Variants in MYO3B observed in about 807,000 individuals in gnomAD.
The protein encoded by MYO3B is myosin-IIIb.
In MYO3B, 156 loss-of-function variants were observed where a neutral mutation model predicts 174.6. That is an observed-to-expected ratio of 0.89 (90% CI 0.78 to 1.02). MYO3B has a LOEUF of 1.02. Among genes scored for constraint, MYO3B ranks in the 50% least tolerant of loss-of-function variants. The pLI, the probability that MYO3B is intolerant of heterozygous loss-of-function variation, is 0.00. For missense variants in MYO3B, 1,632 were observed against 1,639.4 expected, an observed-to-expected ratio of 1.00 and a Z score of 0.08; for synonymous variants, 563 against 569.1, an observed-to-expected ratio of 0.99 and a Z score of 0.15.
chr2:170,558,729 G>A lies in MYO3B; in HGVS notation c.3733+14741G>A, dbSNP rs185377611. Among the ~76,000 whole-genome samples the A allele has an allele frequency of 3.2e-3, 481 of 152,338 alleles. 1 individual carries two copies. Among genetic ancestry groups the A allele is most frequent in the Non-Finnish European group, 5.1e-3 (346 of 68,026 alleles). ...TAGTTTGGAACCCTTACAAAGAAGAGATGTTCATGGATGATGGTCCCATAC... is the reference window on the plus strand; with the variant it reads ...TAGTTTGGAACCCTTACAAAGAAGAAATGTTCATGGATGATGGTCCCATAC... On this transcript the variant is annotated intron_variant, in intron 32 of 34. Transcript: ENST00000408978.
At chr2:170,493,720 T>C (rs1465750532) in intron 25 of MYO3B, among the ~76,000 whole-genome samples, 2 of 152,224 alleles carry the variant, frequency 1.3e-5, no homozygotes, top group African/African-American at 2.4e-5. Context: ...CAAATTCTTC[T>C]CTTTCTCTCC....
In MYO3B at chr2:170,584,378, C is replaced by T. The variant is rs549519583; in HGVS notation, c.3733+40390C>T. Among the ~76,000 whole-genome samples the T allele has an allele frequency of 1.1e-4, 16 of 152,182 alleles. No individual in the cohort carries two copies. In the South Asian group the frequency reaches 3.1e-3, roughly 30 times the overall value. On this transcript the variant is annotated intron_variant, in intron 32 of 34. Transcript: ENST00000408978. ...ACCATTTTTATAAAGTATTTATTTA[C>T]CAATTAGTCCACACTATCAACTGGT...
intron 29 of MYO3B, among the ~76,000 whole-genome samples, chr2:170,516,348 A>G (rs1340598750): frequency 6.6e-6 from 1 of 151,952 alleles, no homozygotes; most frequent in African/African-American, 2.4e-5. Flanking sequence ...TTACTTCAAA[A>G]TAGTCTGATA....
chr2:170,179,844 G>A (rs1207616486), intron 1 of MYO3B, among the ~76,000 whole-genome samples: 3 of 152,108 alleles, frequency 2.0e-5, no homozygotes, highest in Non-Finnish European at 4.4e-5. Flanking sequence ...CGCTTGTATG[G>A]TATGTGTTTC....
intron 8 of MYO3B, among the ~76,000 whole-genome samples, chr2:170,360,624 T>C (rs566428510): frequency 6.6e-5 from 10 of 152,358 alleles, no homozygotes; most frequent in Non-Finnish European, 4.4e-5. Flanking sequence ...GTGGTTTGAA[T>C]GTGTCTCCTC....
intron 23 of MYO3B, among the ~76,000 whole-genome samples, chr2:170,448,955 CT>C (rs1421431632): frequency 1.3e-5 from 2 of 152,146 alleles, no homozygotes; most frequent in Admixed American, 1.3e-4. Context: ...CATATAGGAT[CT>C]TTTAAAATTG....
At chr2:170,589,210 A>G (rs1211936942) in intron 32 of MYO3B, among the ~76,000 whole-genome samples, 1 of 152,228 alleles carries the variant, frequency 6.6e-6, no homozygotes, top group African/African-American at 2.4e-5. Flanking sequence ...ATGGACCCCA[A>G]CACTGAAAGG....
intron 3 of MYO3B, among the ~76,000 whole-genome samples, chr2:170,202,169 CT>C (rs2092669103): frequency 6.6e-6 from 1 of 152,184 alleles, no homozygotes; most frequent in African/African-American, 2.4e-5. Context: ...TGAGCTGAGC[CT>C]TGCGCAGGTG....
At chr2:170,254,642 T>C (rs866966676) in intron 7 of MYO3B, among the ~76,000 whole-genome samples, 1 of 152,108 alleles carries the variant, frequency 6.6e-6, no homozygotes, top group South Asian at 2.1e-4. Context: ...ACAGGCCTTG[T>C]CCCAACTTCC....
intron 20 of MYO3B, 37 bp downstream of exon 20, chr2:170,404,437 A>G: frequency 1.3e-6 from 2 of 1,563,348 alleles, no homozygotes; most frequent in Non-Finnish European, 1.7e-6. Flanking sequence ...ATACATTTAG[A>G]ACAAAACTTG....
intron 32 of MYO3B, among the ~76,000 whole-genome samples, chr2:170,631,211 T>C (rs1696944919): frequency 6.6e-6 from 1 of 152,160 alleles, no homozygotes; most frequent in African/African-American, 2.4e-5. Flanking sequence ...TTAAAGGACC[T>C]GATGGAGCTG....
At chr2:170,461,150 G>A (rs529323239) in intron 23 of MYO3B, among the ~76,000 whole-genome samples, 9 of 152,236 alleles carry the variant, frequency 5.9e-5, no homozygotes, top group African/African-American at 2.2e-4. Flanking sequence ...CAAAGCAAGA[G>A]GTGCTTCTTC....
rs765237147 is a variant in MYO3B, at chr2:170,514,999, G to A, written c.3449G>A (p.Cys1150Tyr). The A allele has an allele frequency of 6.2e-7, 1 of 1,614,006 alleles. No individual in the cohort carries two copies. The highest frequency in any genetic ancestry group is 8.5e-7 in the Non-Finnish European group (1 of 1,179,936). Residue 1150 changes from cysteine (C) to tyrosine (Y), a missense_variant, in exon 29 of 35, where the codon TGC (cysteine) becomes TAC (tyrosine). By Grantham distance (194) the Cys-to-Tyr change is radical (BLOSUM62 -2). Coordinates refer to ENST00000408978, the MANE Select transcript of MYO3B (RefSeq NM_138995.5). ...GTRGSAEVQD[C>Y]SEPGDHKVLR... ...AGGGGAAGTGCCGAGGTTCAAGACT[G>A]CAGCGAGCCTGGTGACCATAAAGGT...
intron 8 of MYO3B, among the ~76,000 whole-genome samples, chr2:170,353,300 C>A (rs1157840158): frequency 6.6e-6 from 1 of 152,010 alleles, no homozygotes; most frequent in Non-Finnish European, 1.5e-5. Flanking sequence ...TGAAAGAAAC[C>A]AATCTGAAGA....
intron 32 of MYO3B, among the ~76,000 whole-genome samples, chr2:170,613,479 A>G (rs1695246635): frequency 6.6e-6 from 1 of 152,222 alleles, no homozygotes; most frequent in Admixed American, 6.5e-5. Flanking sequence ...GCTAAAAAGC[A>G]TATTAATGCA....
chr2:170,238,660 C>A (rs1574635569), intron 7 of MYO3B, among the ~76,000 whole-genome samples: 2 of 149,688 alleles, frequency 1.3e-5, no homozygotes, highest in African/African-American at 2.4e-5. Context: ...GAAAATAAAA[C>A]CTTGATGGAG....
chr2:170,584,964 G>T (rs145475500), intron 32 of MYO3B, among the ~76,000 whole-genome samples: 5 of 152,318 alleles, frequency 3.3e-5, no homozygotes, highest in African/African-American at 9.6e-5. Flanking sequence ...TGAAATGCAG[G>T]TTCATGCTAT....
In MYO3B at chr2:170,540,607, G is replaced by A. The variant is rs148518289; in HGVS notation, c.3576-2299G>A. Among the ~76,000 whole-genome samples the A allele has an allele frequency of 2.7e-3, 407 of 151,256 alleles. 7 individuals carry two copies. Among genetic ancestry groups the A allele is most frequent in the South Asian group, 0.024 (115 of 4,796 alleles). On this transcript the variant is annotated intron_variant, in intron 30 of 34. Coordinates refer to ENST00000408978, the MANE Select transcript of MYO3B (RefSeq NM_138995.5). ...TATTGTGCTTTTTCTTATTTTGGTA[G>A]TGACGGATTGCAGAGCATTATCCAG... is the stretch of plus-strand genomic sequence containing the variant.
chr2:170,311,016 G>T (rs780975318), intron 7 of MYO3B, among the ~76,000 whole-genome samples: 49 of 152,130 alleles, frequency 3.2e-4, no homozygotes, highest in Non-Finnish European at 7.1e-4. Context: ...CGGGGCCTTA[G>T]AATTTTATTT....
Sources: allele counts gnomAD v4.1 joint callset (sites outside exome capture counted in the v4.1 genomes callset), GRCh38; gene constraint gnomAD v4.1.1; transcripts MANE v1.5; gene names NCBI Gene and HGNC (gene_info 2026-07-23, HGNC 2026-07-21).